Variants in LMF1 observed in about 807,000 individuals in gnomAD.
LMF1 encodes transmembrane protein 112.
LMF1 carries 68 observed loss-of-function variants against 60.6 expected under a neutral mutation model. The observed-to-expected ratio is 1.12, with a 90% CI of 0.92 to 1.37. The LOEUF is 1.37. Ranked by LOEUF, LMF1 falls within the 40% of genes most tolerant of loss-of-function variation. The pLI is 0.00. For missense variants in LMF1, 948 were observed against 767.2 expected (o/e 1.24, Z -2.78); for synonymous variants, 418 against 324.7 (o/e 1.29, Z -3.09).
chr16:910,703 G>A (rs1234530442), intron 4 of LMF1, among the ~76,000 whole-genome samples: 1 of 152,168 alleles, frequency 6.6e-6, no homozygotes, highest in African/African-American at 2.4e-5. Flanking sequence ...GTGTGGTTCT[G>A]TCCCAGAAAC....
rs2069916404 is a variant in LMF1 at position 874,639 on chromosome 16, A to C, written c.898-3298T>G. ...GGAGGAGGGAGGCTGCTCATGCCGCAACTCCCCAACGGAAGGATCACGGGA... is the reference window on the plus strand; with the variant it reads ...GGAGGAGGGAGGCTGCTCATGCCGCCACTCCCCAACGGAAGGATCACGGGA... On this transcript the variant is annotated intron_variant, in intron 6 of 10. Coordinates refer to ENST00000262301, the MANE Select transcript of LMF1 (RefSeq NM_022773.4). This position sits in a 1 kb window ranked among gnomAD's most constrained non-coding sequence, Gnocchi z 4.1. Among the ~76,000 whole-genome samples the C allele has an allele frequency of 6.6e-6, 1 of 152,202 alleles. No individual in the cohort carries two copies. Among genetic ancestry groups the C allele is most frequent in the South Asian group, 2.1e-4 (1 of 4,818 alleles).
At chr16:954,166 T>C in intron 2 of LMF1, 191 bp downstream of exon 2, 1 of 710,600 alleles carries the variant, frequency 1.4e-6, no homozygotes, top group Non-Finnish European at 2.5e-6. Flanking sequence ...GGGGTTTTAA[T>C]CCTGAAGATG....
intron 6 of LMF1, among the ~76,000 whole-genome samples, chr16:877,330 A>C (rs2070021254): frequency 6.6e-6 from 1 of 152,236 alleles, no homozygotes; most frequent in African/African-American, 2.4e-5. Flanking sequence ...CAAGTCAAGA[A>C]GGAATGGAAA....
chr16:928,191 C>G (rs1429834690), intron 3 of LMF1, among the ~76,000 whole-genome samples: 1 of 152,214 alleles, frequency 6.6e-6, no homozygotes, highest in Non-Finnish European at 1.5e-5. Context: ...GCACCCGCTA[C>G]GTGGATGGGC....
At chr16:856,687 C>T (rs1055063712) in intron 10 of LMF1, among the ~76,000 whole-genome samples, 1 of 152,252 alleles carries the variant, frequency 6.6e-6, no homozygotes, top group Non-Finnish European at 1.5e-5. Context: ...CCCTCTGTGC[C>T]AACTGGCAGG....
intron 6 of LMF1, chr16:872,377 G>C (rs916784415): frequency 6.6e-6 from 1 of 152,250 alleles, no homozygotes; most frequent in Non-Finnish European, 1.5e-5. Flanking sequence ...TCAGTGTTAT[G>C]GGCGATGATG....
intron 2 of LMF1, among the ~76,000 whole-genome samples, chr16:948,451 C>A (rs527559086): frequency 2.5e-4 from 38 of 150,526 alleles, no homozygotes; most frequent in South Asian, 8.4e-4. Flanking sequence ...GAGTCAGAGA[C>A]AACGACAGAG....
In LMF1 at chr16:862,865, A is replaced by T. The variant is rs527566167; in HGVS notation, c.1529+6079T>A. ...AGAGAGTGAGAACCTGTCTCAAAAAATAAATAAATAAATAAATAAAACGTA... is the reference window on the plus strand; with the variant it reads ...AGAGAGTGAGAACCTGTCTCAAAAATTAAATAAATAAATAAATAAAACGTA... On this transcript the variant is annotated intron_variant, in intron 10 of 10. Transcript: ENST00000262301. Among the ~76,000 whole-genome samples the T allele has an allele frequency of 2.6e-5, 4 of 152,076 alleles. No homozygotes were observed. The East Asian group carries it at 5.9e-4, about 22-fold the overall frequency.
At chr16:921,802 C>T (rs893337388) in intron 3 of LMF1, among the ~76,000 whole-genome samples, 2 of 152,152 alleles carry the variant, frequency 1.3e-5, no homozygotes, top group Non-Finnish European at 2.9e-5. Flanking sequence ...ACAGAACCTA[C>T]GGCATCCAGG....
chr16:871,038 ACTGCGGACGGCG>A, intron 7 of LMF1, 111 bp downstream of exon 7: 1 of 1,395,494 alleles, frequency 7.2e-7, no homozygotes, highest in South Asian at 1.4e-5. Flanking sequence ...GGCACGCTAC[ACTGCGGACGGCG>A]CTGACTCTCC....
intron 3 of LMF1, among the ~76,000 whole-genome samples, chr16:914,337 G>A (rs1403650391): frequency 6.6e-6 from 1 of 152,102 alleles, no homozygotes; most frequent in Admixed American, 6.5e-5. Context: ...GGAGAAGGCT[G>A]GGCAGGCCAA....
chr16:979,627 TTGG>T, intron 1 of LMF1: 1 of 453,940 alleles, frequency 2.2e-6, no homozygotes, highest in Non-Finnish European at 4.4e-6. Context: ...TGAAGCTTCC[TTGG>T]TGGATGGGGA....
Position 854,623 on chromosome 16 carries a change from T to C in LMF1, c.1613A>G (p.Lys538Arg), listed in dbSNP as rs781662141. 2.5e-6 allele frequency: 4 copies of C among 1,607,508 alleles called. No homozygotes were observed. In the South Asian group the frequency reaches 4.4e-5, roughly 18 times the overall value. ...CGGAGGGAAGTAGGCTCCGATCCTCTTCCGCACCCACCACTTGCCCTCGGC... is the reference window on the plus strand; with the variant it reads ...CGGAGGGAAGTAGGCTCCGATCCTCCTCCGCACCCACCACTTGCCCTCGGC... Reference protein sequence around the residue: ...HAAEGKWWVRKRIGAYFPPLS... With the variant: ...HAAEGKWWVRRRIGAYFPPLS... Residue 538 changes from lysine (K) to arginine (R), a missense_variant, in exon 11 of 11, where the codon AAG becomes AGG. Lys to Arg is a conservative substitution (Grantham distance 26). Coordinates refer to ENST00000262301, the MANE Select transcript of LMF1 (RefSeq NM_022773.4).
At chr16:923,964 TG>T (rs1339087851) in intron 3 of LMF1, among the ~76,000 whole-genome samples, 4 of 152,026 alleles carry the variant, frequency 2.6e-5, no homozygotes, top group African/African-American at 4.8e-5. Flanking sequence ...TGATCAGAGA[TG>T]AAAAACGAAG....
At chr16:971,715 G>A (rs1351237172), upstream of LMF1, among the ~76,000 whole-genome samples, 2 of 152,170 alleles carry the variant, frequency 1.3e-5, no homozygotes, top group African/African-American at 4.8e-5. Context: ...GGGTTCTGGA[G>A]GCTGATGTGA....
At chr16:925,994 TATGC>T (rs1194685036) in intron 3 of LMF1, among the ~76,000 whole-genome samples, 3 of 150,550 alleles carry the variant, frequency 2.0e-5, no homozygotes, top group East Asian at 1.9e-4. Context: ...TACGTGTCTG[TATGC>T]ATGCATGCAT....
chr16:922,652 G>A (rs1043555173), intron 3 of LMF1, among the ~76,000 whole-genome samples: 11 of 140,346 alleles, frequency 7.8e-5, no homozygotes, highest in African/African-American at 1.0e-4. Context: ...TGTGAAAGTC[G>A]CCTGGGTTTT....
chr16:966,354 G>T (rs1428831756), intron 1 of LMF1, among the ~76,000 whole-genome samples: 1 of 152,346 alleles, frequency 6.6e-6, no homozygotes, highest in East Asian at 1.9e-4. Context: ...AGCCGGCCCT[G>T]GCCGGGGCGG....
At chr16:899,882 T>A (rs1211232326) in intron 4 of LMF1, 1 of 152,220 alleles carries the variant, frequency 6.6e-6, no homozygotes, top group Non-Finnish European at 1.5e-5. Context: ...AGCACACACG[T>A]GGGAGGCACA....
Sources: allele counts gnomAD v4.1 joint callset (sites outside exome capture counted in the v4.1 genomes callset), GRCh38; gene constraint gnomAD v4.1.1; non-coding constraint Gnocchi (gnomAD v3.1); transcripts MANE v1.5; gene names NCBI Gene and HGNC (gene_info 2026-07-23, HGNC 2026-07-21).